The following GDE1 variants were observed in gnomAD, a reference collection of about 807,000 sequenced individuals.
GDE1 encodes the protein glycerophosphodiester phosphodiesterase 1, also known as RGS16-interacting membrane protein.
GDE1 carries 24 observed loss-of-function variants against 32.2 expected under a neutral mutation model. The observed-to-expected ratio is 0.75, with a 90% CI of 0.54 to 1.05. The LOEUF (loss-of-function observed/expected upper bound fraction) is 1.05. Among genes scored for constraint, GDE1 ranks in the 50% least tolerant of loss-of-function variants. The probability of loss-of-function intolerance (pLI) is 0.00; values close to 1 mark genes in which losing one functional copy is unlikely to be tolerated. For missense variants in GDE1, 380 were observed against 415.0 expected, an observed-to-expected ratio of 0.92 and a Z score of 0.73; for synonymous variants, 159 against 158.6, an observed-to-expected ratio of 1.00 and a Z score of -0.02.
At chr16:19,511,489 G>A (rs147894079) in intron 2 of GDE1, among the ~76,000 whole-genome samples, 11 of 152,090 alleles carry the variant, frequency 7.2e-5, no homozygotes, top group Non-Finnish European at 1.5e-4. Flanking sequence ...TGTGATATGC[G>A]CATAATGTAT....
intron 2 of GDE1, among the ~76,000 whole-genome samples, chr16:19,513,508 G>A (rs1056113432): frequency 1.3e-5 from 2 of 152,012 alleles, no homozygotes; most frequent in Non-Finnish European, 2.9e-5. Context: ...CAGTTTTTTG[G>A]TGAAGTCTTT....
chr16:19,519,010 C>T (rs1056903660), intron 1 of GDE1, among the ~76,000 whole-genome samples: 8 of 152,140 alleles, frequency 5.3e-5, no homozygotes, highest in African/African-American at 1.9e-4. Flanking sequence ...TCAATTTTGA[C>T]ACTATCTACC....
At chr16:19,515,416 AT>A (rs1476723953) in intron 2 of GDE1, among the ~76,000 whole-genome samples, 1 of 152,128 alleles carries the variant, frequency 6.6e-6, no homozygotes, top group Non-Finnish European at 1.5e-5. Context: ...TTCTTAAGGG[AT>A]TTTTTGAAAA....
intron 1 of GDE1, among the ~76,000 whole-genome samples, chr16:19,520,277 C>T (rs1423806940): frequency 6.6e-6 from 1 of 151,942 alleles, no homozygotes; most frequent in Admixed American, 6.6e-5. Flanking sequence ...TGGCTCATGC[C>T]TGTAATCGCA....
At chr16:19,520,711 T>C (rs1424144442) in intron 1 of GDE1, among the ~76,000 whole-genome samples, 1 of 122,982 alleles carries the variant, frequency 8.1e-6, no homozygotes, top group East Asian at 2.3e-4. Context: ...GGTAAAAGAG[T>C]GAGACTCTGT....
At chr16:19,509,513 G>A (rs902859253) in intron 3 of GDE1, among the ~76,000 whole-genome samples, 5 of 152,110 alleles carry the variant, frequency 3.3e-5, no homozygotes, top group African/African-American at 1.2e-4. Context: ...AGGTACAGGT[G>A]ATTCTAACGC....
Position 19,510,780 on chromosome 16 carries a change from G to A in GDE1, c.543+59C>T, listed in dbSNP as rs1390947896. ...ACAAAATATATGTAACTTCGGAAAT[G>A]ACCGTCAATGAAATAAGATGTCTTT... On this transcript the variant is annotated intron_variant, in intron 3 of 5. Transcript: ENST00000353258. 3 of 726,786 alleles carry A rather than the reference G, an allele frequency of 4.1e-6. No individual in the cohort carries two copies. In the Admixed American group the frequency reaches 8.1e-5, roughly 20 times the overall value. The allele number at this position is 726,786 out of a possible 1,614,324, so 45.0% of individuals were successfully genotyped here.
chr16:19,510,305 A>C (rs1969301155), intron 3 of GDE1, among the ~76,000 whole-genome samples: 1 of 152,230 alleles, frequency 6.6e-6, no homozygotes. Flanking sequence ...AAAATCAATG[A>C]ATAAAAAACT....
chr16:19,505,306 T>C (rs900830644), intron 4 of GDE1, among the ~76,000 whole-genome samples: 3 of 152,204 alleles, frequency 2.0e-5, no homozygotes, highest in South Asian at 2.1e-4. Context: ...AACTTTTTTT[T>C]CCCAGTCCTT....
At position 19,502,796 on chromosome 16, in the gene GDE1, A is replaced by C. The variant is rs1969194522; in HGVS notation, c.*674T>G. ...TATGATCAGATCACATCTGTTGCAG[A>C]GCTTCCTAAAAAGCCTGGAAAAATG... On this transcript the variant is annotated 3_prime_UTR_variant, in exon 6 of 6. Coordinates refer to ENST00000353258, the MANE Select transcript of GDE1 (RefSeq NM_016641.4). 1 of 152,146 alleles carries C rather than the reference A, an allele frequency of 6.6e-6. No homozygotes were observed. The highest frequency in any genetic ancestry group is 2.4e-5 in the African/African-American group (1 of 41,418). 9.4% of individuals were successfully genotyped at this position (152,146 alleles called of 1,614,324 possible).
rs755180963 is a variant in GDE1 at position 19,507,784 on chromosome 16, A to T, written c.544-5T>A. ...TTTCTTTAGAGCCTCAGTAGCCTGTAAAATAAAGAGATTCATATATTTAAA... is the reference window on the plus strand; with the variant it reads ...TTTCTTTAGAGCCTCAGTAGCCTGTTAAATAAAGAGATTCATATATTTAAA... On this transcript the variant is annotated splice_region_variant and splice_polypyrimidine_tract_variant and intron_variant, in intron 3 of 5. Transcript: ENST00000353258. 6 of 1,285,560 alleles carry T rather than the reference A, an allele frequency of 4.7e-6. No homozygotes were observed. Among genetic ancestry groups the T allele is most frequent in the Non-Finnish European group, 6.7e-6 (6 of 890,362 alleles). The allele number at this position is 1,285,560 out of a possible 1,614,324, so 79.6% of individuals were successfully genotyped here.
At chr16:19,511,445 C>A (rs1969317895) in intron 2 of GDE1, among the ~76,000 whole-genome samples, 2 of 151,984 alleles carry the variant, frequency 1.3e-5, no homozygotes, top group Non-Finnish European at 2.9e-5. Flanking sequence ...TTCTTTTTTC[C>A]ACATTTTTAT....
chr16:19,515,107 C>G (rs72767507), intron 2 of GDE1, among the ~76,000 whole-genome samples: 4,163 of 149,936 alleles, frequency 0.028, 78 homozygotes, highest in Non-Finnish European at 0.042. Flanking sequence ...TTAAACATTA[C>G]AGGCAATTAT....
chr16:19,520,736 AAAAAG>A (rs1297628706), intron 1 of GDE1, among the ~76,000 whole-genome samples: 7 of 145,602 alleles, frequency 4.8e-5, no homozygotes, highest in African/African-American at 2.6e-5. Flanking sequence ...TAAAAAAAAA[AAAAAG>A]AAGAAGAAGG....
chr16:19,510,966 G>A (rs748866779), intron 2 of GDE1, 22 bp from the exon 3 acceptor site: 18 of 1,221,060 alleles, frequency 1.5e-5, no homozygotes, highest in South Asian at 2.5e-5. Flanking sequence ...GAGAAAATAC[G>A]TTGTAGGAAA....
chr16:19,503,536 G>A lies in GDE1; in HGVS notation c.930C>T (p.Tyr310=), dbSNP rs143560131. ...TVNTFDEKSY[Y]ESHLGSSYIT... ...TATAGCTGGAACCAAGATGGGATTC[G>A]TAGTAACTCTTTTCATCAAAGGTAT... The change falls in exon 6 of 6, where the codon TAC becomes TAT. Residue 310 remains tyrosine, a synonymous_variant. Coordinates refer to ENST00000353258, the MANE Select transcript of GDE1 (RefSeq NM_016641.4). The A allele has an allele frequency of 1.7e-5, 27 of 1,612,812 alleles. 1 individual carries two copies. Among genetic ancestry groups the A allele is most frequent in the South Asian group, 3.3e-5 (3 of 91,058 alleles).
At chr16:19,503,642 T>C in intron 5 of GDE1, 25 bp from the exon 6 acceptor site, 1 of 1,603,954 alleles carries the variant, frequency 6.2e-7, no homozygotes. Context: ...AAGCCAATCC[T>C]GTTAGAATAA....
intron 2 of GDE1, 152 bp from the exon 3 acceptor site, chr16:19,511,096 C>T (rs1969313422): frequency 4.5e-6 from 2 of 441,496 alleles, no homozygotes; most frequent in Non-Finnish European, 8.1e-6. Flanking sequence ...AGATACTTTA[C>T]TTTAAGATTT....
At chr16:19,517,645 T>G (rs1018624069) in intron 1 of GDE1, among the ~76,000 whole-genome samples, 4 of 152,242 alleles carry the variant, frequency 2.6e-5, no homozygotes, top group African/African-American at 9.6e-5. Context: ...AATTCCACCC[T>G]CTACCACAAA....
Sources: gnomAD v4.1 joint callset for allele counts (sites outside exome capture counted in the v4.1 genomes callset) on GRCh38, gnomAD v4.1.1 for gene constraint, MANE v1.5 for transcripts, NCBI Gene and HGNC (gene_info 2026-07-23, HGNC 2026-07-21) for gene names.